SAMD5: variants seen among roughly 807,000 people sequenced by gnomAD.
The protein encoded by SAMD5 is sterile alpha motif domain-containing protein 5.
Under a neutral mutation model 11.3 loss-of-function variants are expected in SAMD5, and 13 were observed. That is an observed-to-expected ratio of 1.15 (90% CI 0.75 to 1.83). SAMD5 has a LOEUF of 1.83. SAMD5 is among the 40% of genes most tolerant of loss of function. The pLI is 0.00. For synonymous variants in SAMD5, 129 were observed against 111.3 expected, an observed-to-expected ratio of 1.16 and a Z score of -1.00; for missense variants, 255 against 239.1, an observed-to-expected ratio of 1.07 and a Z score of -0.44.
intron 1 of SAMD5, among the ~76,000 whole-genome samples, chr6:147,668,902 TAAA>T (rs560888135): frequency 1.9e-3 from 282 of 152,294 alleles, no homozygotes; most frequent in African/African-American, 6.7e-3. Flanking sequence ...GCATTTTGTC[TAAA>T]AAACAATGTA....
chr6:147,940,201 CA>C, the SAMD5 span, among the ~76,000 whole-genome samples: 29 of 132,756 alleles, frequency 2.2e-4, no homozygotes, highest in East Asian at 5.3e-3. Context: ...TGGCAGAATT[CA>C]TTTTTTTTTT....
At chr6:147,697,587 T>C (rs1025735304) in intron 1 of SAMD5, among the ~76,000 whole-genome samples, 1 of 152,182 alleles carries the variant, frequency 6.6e-6, no homozygotes, top group Non-Finnish European at 1.5e-5. Flanking sequence ...TACTAAATCA[T>C]GTATGTTGCA....
chr6:147,923,367 C>G, the SAMD5 span, among the ~76,000 whole-genome samples: 9 of 152,266 alleles, frequency 5.9e-5, no homozygotes, highest in African/African-American at 2.2e-4. Context: ...CATTGCCAAT[C>G]AGTTTTAGGC....
chr6:147,865,800 A>G, the SAMD5 span, among the ~76,000 whole-genome samples: 7 of 152,312 alleles, frequency 4.6e-5, no homozygotes, highest in Non-Finnish European at 1.0e-4. Context: ...GCTGACACCT[A>G]ATATGTTTTG....
chr6:147,803,491 C>T, the SAMD5 span, among the ~76,000 whole-genome samples: 1 of 152,318 alleles, frequency 6.6e-6, no homozygotes, highest in South Asian at 2.1e-4. Flanking sequence ...GATGATAATA[C>T]TCACAATTAG....
chr6:147,648,813 T>G (rs911374687), intron 1 of SAMD5, among the ~76,000 whole-genome samples: 1 of 152,234 alleles, frequency 6.6e-6, no homozygotes, highest in African/African-American at 2.4e-5. Context: ...AATTTACTTT[T>G]AACTTCTGCA....
the SAMD5 span, among the ~76,000 whole-genome samples, chr6:147,870,437 TGTGTGTGTGTGA>T: frequency 2.9e-3 from 372 of 126,650 alleles, 1 homozygote; most frequent in African/African-American, 0.01. Context: ...CTTTGGTGTG[TGTGTGTGTGTGA>T]GTGTGTGTGT....
the SAMD5 span, among the ~76,000 whole-genome samples, chr6:147,812,572 A>T: frequency 6.6e-6 from 1 of 152,124 alleles, no homozygotes; most frequent in African/African-American, 2.4e-5. Flanking sequence ...ATATTTAAAA[A>T]TCTTGCCCCA....
the SAMD5 span, among the ~76,000 whole-genome samples, chr6:147,805,443 C>G: frequency 6.6e-6 from 1 of 152,122 alleles, no homozygotes; most frequent in Non-Finnish European, 1.5e-5. Context: ...AATCCAACTT[C>G]CTTTATTGAA....
intron 1 of SAMD5, among the ~76,000 whole-genome samples, chr6:147,618,407 G>A (rs151009573): frequency 6.0e-4 from 92 of 152,296 alleles, no homozygotes; most frequent in African/African-American, 2.2e-3. Flanking sequence ...AACATGAGGG[G>A]GAGCAGATTC....
chr6:147,852,254 T>A, the SAMD5 span, among the ~76,000 whole-genome samples: 1 of 152,296 alleles, frequency 6.6e-6, no homozygotes, highest in Admixed American at 6.5e-5. Flanking sequence ...GTAAATACCC[T>A]ATCCATATAT....
intron 1 of SAMD5, among the ~76,000 whole-genome samples, chr6:147,546,569 T>C (rs1024737835): frequency 3.6e-4 from 54 of 148,364 alleles, no homozygotes; most frequent in Non-Finnish European, 6.5e-4. Flanking sequence ...AAGTGACTTC[T>C]GTTATTTCTG....
intron 1 of SAMD5, among the ~76,000 whole-genome samples, chr6:147,723,267 T>C (rs746152416): frequency 1.3e-5 from 2 of 152,186 alleles, no homozygotes; most frequent in Non-Finnish European, 2.9e-5. Flanking sequence ...GTAGGAGTTT[T>C]GTGGTCTTGG....
intron 1 of SAMD5, among the ~76,000 whole-genome samples, chr6:147,557,493 C>G (rs1788876532): frequency 6.6e-6 from 1 of 152,208 alleles, no homozygotes; most frequent in Non-Finnish European, 1.5e-5. Context: ...CTTCCAGTGG[C>G]TTCTGGCATT....
At position 147,706,933 on chromosome 6, in the gene SAMD5, A is replaced by C. The variant is rs574708889; in HGVS notation, c.163-30384A>C. ...ATATTTTGGGCCCACACTATTTATG[A>C]CTGAGGTTGAGATATGTGATCAATT... On this transcript the variant is annotated intron_variant, in intron 1 of 1. Coordinates refer to the SAMD5 transcript ENST00000566741. 1.4e-4 allele frequency among the ~76,000 whole-genome samples: 21 copies of C among 152,322 alleles called. No homozygotes were observed. The South Asian group carries it at 4.3e-3, about 32-fold the overall frequency.
chr6:147,685,196 T>C (rs73011991), intron 1 of SAMD5, among the ~76,000 whole-genome samples: 17,507 of 152,212 alleles, frequency 0.12, 1,106 homozygotes, highest in African/African-American at 0.16. Context: ...TTTTTTGTTT[T>C]GTTTTCTTTT....
intron 1 of SAMD5, among the ~76,000 whole-genome samples, chr6:147,623,869 T>A (rs543411966): frequency 4.2e-4 from 64 of 152,262 alleles, no homozygotes; most frequent in African/African-American, 8.9e-4. Context: ...TCTTTTTTTT[T>A]ATTTTTTTAT....
chr6:147,839,368 A>G, the SAMD5 span, among the ~76,000 whole-genome samples: 2 of 152,266 alleles, frequency 1.3e-5, no homozygotes. Flanking sequence ...TAAATCTAAT[A>G]TAATGTTTTT....
the SAMD5 span, among the ~76,000 whole-genome samples, chr6:147,837,362 G>T: frequency 6.6e-6 from 1 of 152,154 alleles, no homozygotes; most frequent in Non-Finnish European, 1.5e-5. Context: ...TTATCTAAAT[G>T]GTTCAAATAA....
Sources: gnomAD v4.1 joint callset for allele counts (sites outside exome capture counted in the v4.1 genomes callset) on GRCh38, gnomAD v4.1.1 for gene constraint, MANE v1.5 for transcripts, NCBI Gene and HGNC (gene_info 2026-07-23, HGNC 2026-07-21) for gene names.